The following CLDN1 variants were observed in gnomAD, a reference collection of about 807,000 sequenced individuals.
CLDN1 encodes claudin-1.
Under a neutral mutation model 22.6 loss-of-function variants are expected in CLDN1, and 12 were observed. The observed-to-expected ratio is 0.53, with a 90% CI of 0.34 to 0.86. CLDN1 has a LOEUF of 0.86. CLDN1 is among the 40% of genes least tolerant of loss of function. The pLI is 0.02. For missense variants in CLDN1, 250 were observed against 269.5 expected (o/e 0.93, Z 0.51); for synonymous variants, 99 against 103.8 (o/e 0.95, Z 0.28).
chr3:190,322,104 A>G lies in CLDN1; in HGVS notation c.103T>C (p.Tyr35His), dbSNP rs751558313. 6.2e-7 allele frequency: 1 copy of G among 1,614,214 alleles called. No individual in the cohort carries two copies. Among genetic ancestry groups the G allele is most frequent in the Non-Finnish European group, 8.5e-7 (1 of 1,180,030 alleles). The stretch of plus-strand genomic sequence containing the variant: ...GCGGTCACGATGTTGTCGCCGGCAT[A>G]GGAGTAAATCCTCCACTGGGGCAGG... ...TALPQWRIYS[Y>H]AGDNIVTAQA... The change falls in exon 1 of 4, where the codon TAT (tyrosine) becomes CAT (histidine). Residue 35 changes from tyrosine (Y) to histidine (H), a missense_variant. By Grantham distance (83) the Tyr-to-His change is moderately conservative. Coordinates refer to ENST00000295522, the MANE Select transcript of CLDN1 (RefSeq NM_021101.5).
At chr3:190,320,735 C>G (rs776245072) in intron 1 of CLDN1, among the ~76,000 whole-genome samples, 1 of 152,074 alleles carries the variant, frequency 6.6e-6, no homozygotes, top group Non-Finnish European at 1.5e-5. Flanking sequence ...TGAACAATGC[C>G]AACACTTTTC....
At chr3:190,312,032 G>T (rs1350216571) in intron 2 of CLDN1, among the ~76,000 whole-genome samples, 1 of 151,636 alleles carries the variant, frequency 6.6e-6, no homozygotes, top group African/African-American at 2.4e-5. Context: ...CCGAGTTGAG[G>T]TGATTCTCAT....
chr3:190,311,943 TC>T (rs1716632306), intron 2 of CLDN1, among the ~76,000 whole-genome samples: 1 of 108,688 alleles, frequency 9.2e-6, no homozygotes, highest in East Asian at 2.8e-4. Flanking sequence ...AACAGATATT[TC>T]TTTTCTTTTC....
intron 1 of CLDN1, among the ~76,000 whole-genome samples, chr3:190,314,411 T>A (rs1716708360): frequency 6.6e-6 from 1 of 152,194 alleles, no homozygotes; most frequent in African/African-American, 2.4e-5. Flanking sequence ...TTTTCTTTTT[T>A]TGAGATAGAG....
chr3:190,321,412 G>A (rs1335190662), intron 1 of CLDN1, among the ~76,000 whole-genome samples: 4 of 152,066 alleles, frequency 2.6e-5, no homozygotes, highest in African/African-American at 9.7e-5. Flanking sequence ...GCACTAACTG[G>A]ATCTTATAAA....
In CLDN1 at chr3:190,308,412, A is replaced by G; in HGVS notation, c.501T>C (p.Thr167=). ...ARYEFGQALF[T]GWAAASLCLL... ...GGCAGAGAGAAGCAGCAGCCCAGCC[A>G]GTGAAGAGAGCCTGACCAAATTCGT... The change falls in exon 4 of 4, where the codon ACT becomes ACC. Residue 167 remains threonine (T), a synonymous_variant. Transcript: ENST00000295522. The G allele has an allele frequency of 6.2e-7, 1 of 1,613,816 alleles. No homozygotes were observed. Among genetic ancestry groups the G allele is most frequent in the Non-Finnish European group, 8.5e-7 (1 of 1,179,794 alleles).
chr3:190,313,015 G>T lies in CLDN1; in HGVS notation c.245C>A (p.Ala82Asp). ...CAGGAGGATGCCAACCACCATCAAGGCACGGGTTGCTTGCAATGTGCCTGG... is the reference window on the plus strand; with the variant it reads ...CAGGAGGATGCCAACCACCATCAAGTCACGGGTTGCTTGCAATGTGCCTGG... ...NLSSTLQATR[A>D]LMVVGILLGV... Residue 82 changes from alanine to aspartate, a missense_variant, in exon 2 of 4, where the codon GCC (alanine) becomes GAC (aspartate). Physicochemically the swap from Ala to Asp is moderately radical, Grantham distance 126 (BLOSUM62 -2). Coordinates refer to ENST00000295522, the MANE Select transcript of CLDN1 (RefSeq NM_021101.5). 1.2e-6 allele frequency: 2 copies of T among 1,614,088 alleles called. No individual in the cohort carries two copies. The highest frequency in any genetic ancestry group is 1.3e-5 in the African/African-American group (1 of 75,006).
chr3:190,313,564 T>C (rs1716682763), intron 1 of CLDN1, among the ~76,000 whole-genome samples: 2 of 152,200 alleles, frequency 1.3e-5, no homozygotes. Flanking sequence ...TTATCATGGC[T>C]GGATAAGCAG....
At chr3:190,308,557 A>G (rs1307763675) in intron 3 of CLDN1, 118 bp from the exon 4 acceptor site, 3 of 960,552 alleles carry the variant, frequency 3.1e-6, no homozygotes, top group East Asian at 2.6e-5. Context: ...TAACCCCTGA[A>G]TATCCCTTGG....
Position 190,322,382 on chromosome 3 carries a change from C to T in CLDN1, c.-176G>A, listed in dbSNP as rs1716953205. ...CTCTGGGTCGGGGTTGGGGTCCGCG[C>T]CCGGGGCGGCGCTGGAGTCTGGATA... On this transcript the variant is annotated 5_prime_UTR_variant, in exon 1 of 4. Coordinates refer to ENST00000295522, the MANE Select transcript of CLDN1 (RefSeq NM_021101.5). 1.1e-5 allele frequency: 7 copies of T among 648,666 alleles called. No individual in the cohort carries two copies. Among genetic ancestry groups the T allele is most frequent in the Non-Finnish European group, 1.6e-5 (6 of 365,406 alleles). 40.2% of individuals were successfully genotyped at this position (648,666 alleles called of 1,614,324 possible).
rs1716953274 is a variant in CLDN1, at chr3:190,322,384, C to T, written c.-178G>A. Reference sequence around the variant, plus strand: ...CTGGGTCGGGGTTGGGGTCCGCGCCCGGGGCGGCGCTGGAGTCTGGATACT... The same window carrying T: ...CTGGGTCGGGGTTGGGGTCCGCGCCTGGGGCGGCGCTGGAGTCTGGATACT... On this transcript the variant is annotated 5_prime_UTR_variant, in exon 1 of 4. Transcript: ENST00000295522. The T allele has an allele frequency of 4.6e-6, 3 of 645,576 alleles. No homozygotes were observed. Among genetic ancestry groups the T allele is most frequent in the South Asian group, 3.6e-5 (2 of 55,608 alleles). The allele number at this position is 645,576 out of a possible 1,614,324, so 40.0% of individuals were successfully genotyped here. A position where few individuals can be genotyped will look rare whatever the true frequency, so the allele number is the denominator to read the frequency against.
chr3:190,318,074 G>A (rs1236226212), intron 1 of CLDN1, among the ~76,000 whole-genome samples: 2 of 152,026 alleles, frequency 1.3e-5, no homozygotes, highest in South Asian at 2.1e-4. Flanking sequence ...TTACTTTTAC[G>A]GAAGTTCAAA....
chr3:190,318,629 G>T (rs3774021), intron 1 of CLDN1, among the ~76,000 whole-genome samples: 17,389 of 152,216 alleles, frequency 0.11, 1,171 homozygotes, highest in East Asian at 0.22. Context: ...TAAGAACAGA[G>T]AATTTCTGAT....
rs1560074749 is a variant in CLDN1 at position 190,313,044 on chromosome 3, A to G, written c.224-8T>C. 3 of 1,614,152 alleles carry G rather than the reference A, an allele frequency of 1.9e-6. No individual in the cohort carries two copies. The highest frequency in any genetic ancestry group is 1.1e-5 in the South Asian group (1 of 91,084). ...GGGTTGCTTGCAATGTGCCTGGCAG[A>G]AAACATTTTAAAACATGTAAAAATA... On this transcript the variant is annotated splice_region_variant and splice_polypyrimidine_tract_variant and intron_variant, in intron 1 of 3. Transcript: ENST00000295522.
intron 1 of CLDN1, among the ~76,000 whole-genome samples, chr3:190,321,233 G>A (rs925515055): frequency 2.0e-5 from 3 of 151,988 alleles, no homozygotes; most frequent in African/African-American, 4.8e-5. Context: ...ATTATGTTGC[G>A]CAGGTTATTT....
chr3:190,314,896 C>A (rs558419491), intron 1 of CLDN1, among the ~76,000 whole-genome samples: 4 of 152,214 alleles, frequency 2.6e-5, no homozygotes, highest in South Asian at 4.2e-4. Flanking sequence ...TCTCAAGATT[C>A]CAGGTGGCAG....
intron 3 of CLDN1, 99 bp downstream of exon 3, chr3:190,310,070 A>T: frequency 1.0e-6 from 1 of 978,396 alleles, no homozygotes; most frequent in Non-Finnish European, 1.6e-6. Context: ...AAAATTCTTG[A>T]AAGCAAATCT....
chr3:190,308,201 G>T lies in CLDN1; in HGVS notation c.*76C>A. Reference sequence around the variant, plus strand: ...AGATTACAATACCCAAAATTCTAAGGTCCTAATGTTAATGATAGTATCTCA... The same window carrying T: ...AGATTACAATACCCAAAATTCTAAGTTCCTAATGTTAATGATAGTATCTCA... On this transcript the variant is annotated 3_prime_UTR_variant, in exon 4 of 4. Coordinates refer to ENST00000295522, the MANE Select transcript of CLDN1 (RefSeq NM_021101.5). 1.3e-6 allele frequency: 2 copies of T among 1,539,220 alleles called. No individual in the cohort carries two copies. The highest frequency in any genetic ancestry group is 2.3e-5 in the East Asian group (1 of 44,416).
At chr3:190,317,764 C>T (rs1716809661) in intron 1 of CLDN1, among the ~76,000 whole-genome samples, 2 of 152,188 alleles carry the variant, frequency 1.3e-5, no homozygotes, top group African/African-American at 4.8e-5. Context: ...AGAAAGTCAA[C>T]CCTCCCTACA....
Sources: gnomAD v4.1 joint callset for allele counts (sites outside exome capture counted in the v4.1 genomes callset) on GRCh38, gnomAD v4.1.1 for gene constraint, MANE v1.5 for transcripts, NCBI Gene and HGNC (gene_info 2026-07-23, HGNC 2026-07-21) for gene names.